The following FANCE variants were observed in gnomAD, a reference collection of about 807,000 sequenced individuals.
FANCE encodes the protein Fanconi anemia group E protein.
FANCE carries 42 observed loss-of-function variants against 57.8 expected under a neutral mutation model. That is an observed-to-expected ratio of 0.73 (90% CI 0.57 to 0.94). The LOEUF is 0.94. Ranked by LOEUF, FANCE falls within the 40% of genes least tolerant of loss-of-function variation. The pLI is 0.00. For missense variants in FANCE, 608 were observed against 661.8 expected, an observed-to-expected ratio of 0.92 and a Z score of 0.89; for synonymous variants, 251 against 286.4, an observed-to-expected ratio of 0.88 and a Z score of 1.25.
At chr6:35,461,738 C>T (rs1338433099) in intron 8 of FANCE, among the ~76,000 whole-genome samples, 5 of 151,256 alleles carry the variant, frequency 3.3e-5, no homozygotes, top group Non-Finnish European at 5.9e-5. Context: ...AGCTCTGCCT[C>T]CCGGGTTCAC....
chr6:35,457,805 T>G, intron 3 of FANCE, 111 bp from the exon 4 acceptor site: 1 of 1,094,332 alleles, frequency 9.1e-7, no homozygotes, highest in East Asian at 2.4e-5. Flanking sequence ...TCCTCTTCTC[T>G]GGTAGTGCCT....
Position 35,457,880 on chromosome 6 carries a change from G to C in FANCE, c.901-36G>C. 3 of 1,588,238 alleles carry C rather than the reference G, an allele frequency of 1.9e-6. 1 individual carries two copies. Among genetic ancestry groups the C allele is most frequent in the Non-Finnish European group, 8.6e-7 (1 of 1,156,480 alleles). On this transcript the variant is annotated intron_variant, in intron 3 of 9. Transcript: ENST00000229769. ...TGGCTTCAGTGACTTGTCACTGAGG[G>C]CTCTGCCAGCCCTAACATGAGATTT...
Position 35,456,046 on chromosome 6 carries a change from C to T in FANCE, c.548C>T (p.Ala183Val). Residue 183 changes from alanine to valine, a missense_variant, in exon 2 of 10, where the codon GCT becomes GTT. Transcript: ENST00000229769. This position sits in a 1 kb window ranked among gnomAD's most constrained non-coding sequence, Gnocchi z 4.3. ...GGCAGGAGGTTGAAATCCCCCCAGG[C>T]TCCAGACCCTGAAGAAGAGGAGAAC... is the stretch of plus-strand genomic sequence containing the variant. ...LGGRRLKSPQ[A>V]PDPEEEENRD... is the part of the protein sequence containing the mutation. 5.6e-6 allele frequency: 9 copies of T among 1,613,174 alleles called. No individual in the cohort carries two copies. The highest frequency in any genetic ancestry group is 7.6e-6 in the Non-Finnish European group (9 of 1,179,658).
At chr6:35,452,891 C>G in intron 1 of FANCE, 98 bp downstream of exon 1, 1 of 1,188,082 alleles carries the variant, frequency 8.4e-7, no homozygotes. Flanking sequence ...TCAGCGACGG[C>G]CTGCCGCGCA....
Position 35,458,235 on chromosome 6 carries a change from C to T in FANCE, c.970-62C>T, listed in dbSNP as rs1335340511. 3.1e-6 allele frequency: 5 copies of T among 1,600,314 alleles called. No individual in the cohort carries two copies. The Admixed American group carries it at 5.0e-5, about 16-fold the overall frequency. On this transcript the variant is annotated intron_variant, in intron 4 of 9. Transcript: ENST00000229769. ...CTGTCTGCTGTCCAGTTGCTTGAGACAGCCTAGCAGAGGCAGAGTGCATGT... is the reference window on the plus strand; with the variant it reads ...CTGTCTGCTGTCCAGTTGCTTGAGATAGCCTAGCAGAGGCAGAGTGCATGT...
In FANCE at chr6:35,466,928, G is replaced by C. The variant is rs1191691452; in HGVS notation, c.*583G>C. On this transcript the variant is annotated 3_prime_UTR_variant, in exon 10 of 10. Transcript: ENST00000229769. ...CTCAGGCTGCAGGGACAAACTTTCC[G>C]ATAGGGCTCAGTAGGATCAAGCCGA... The C allele has an allele frequency of 6.1e-5, 14 of 229,064 alleles. No individual in the cohort carries two copies. Among genetic ancestry groups the C allele is most frequent in the Non-Finnish European group, 1.0e-4 (12 of 115,222 alleles). 14.2% of individuals were successfully genotyped at this position (229,064 alleles called of 1,614,324 possible). A position where few individuals can be genotyped will look rare whatever the true frequency, so the allele number is the denominator to read the frequency against.
At chr6:35,459,545 ATTCAGTGAT>A in intron 6 of FANCE, 91 bp downstream of exon 6, 1 of 1,600,352 alleles carries the variant, frequency 6.2e-7, no homozygotes. Flanking sequence ...GGAGTTGGGT[ATTCAGTGAT>A]TAAAGATGCC....
rs143341220 is a variant in FANCE at position 35,466,021 on chromosome 6, G to T, written c.1510-223G>T. Among the ~76,000 whole-genome samples the T allele has an allele frequency of 1.1e-3, 161 of 152,332 alleles. 1 individual carries two copies. Among genetic ancestry groups the T allele is most frequent in the African/African-American group, 3.5e-3 (147 of 41,570 alleles). ...GCCACATAGTAAACACACAATGATT[G>T]TCAACTGTTACTAATGTGGCCGGCT... On this transcript the variant is annotated intron_variant, in intron 9 of 9. Transcript: ENST00000229769.
intron 1 of FANCE, among the ~76,000 whole-genome samples, chr6:35,453,685 A>C (rs1483936732): frequency 6.6e-6 from 1 of 152,212 alleles, no homozygotes; most frequent in Non-Finnish European, 1.5e-5. Context: ...TTAGATAAAT[A>C]GGGGAAAATG....
rs570137083 is a variant in FANCE at position 35,466,927 on chromosome 6, C to T, written c.*582C>T. The T allele has an allele frequency of 3.5e-5, 8 of 227,512 alleles. No individual in the cohort carries two copies. Among genetic ancestry groups the T allele is most frequent in the East Asian group, 2.0e-4 (3 of 14,958 alleles). The allele number at this position is 227,512 out of a possible 1,614,324, so 14.1% of individuals were successfully genotyped here. A position where few individuals can be genotyped will look rare whatever the true frequency, so the allele number is the denominator to read the frequency against. Reference sequence around the variant, plus strand: ...TCTCAGGCTGCAGGGACAAACTTTCCGATAGGGCTCAGTAGGATCAAGCCG... The same window carrying T: ...TCTCAGGCTGCAGGGACAAACTTTCTGATAGGGCTCAGTAGGATCAAGCCG... On this transcript the variant is annotated 3_prime_UTR_variant, in exon 10 of 10. Coordinates refer to ENST00000229769, the MANE Select transcript of FANCE (RefSeq NM_021922.3).
At chr6:35,465,494 C>T (rs1455748718) in intron 9 of FANCE, among the ~76,000 whole-genome samples, 3 of 152,150 alleles carry the variant, frequency 2.0e-5, no homozygotes, top group Non-Finnish European at 4.4e-5. Flanking sequence ...TTATTTTTAA[C>T]TTTATCTTGA....
At chr6:35,458,215 T>G in intron 4 of FANCE, 82 bp from the exon 5 acceptor site, 1 of 1,565,034 alleles carries the variant, frequency 6.4e-7, no homozygotes, top group Non-Finnish European at 8.8e-7. Flanking sequence ...CTGCTCTGTC[T>G]GCTGTCCAGT....
chr6:35,463,522 GAAATA>G, intron 9 of FANCE, among the ~76,000 whole-genome samples: 1 of 152,160 alleles, frequency 6.6e-6, no homozygotes, highest in East Asian at 1.9e-4. Flanking sequence ...TGAGAGGGGA[GAAATA>G]AAATAAACAG....
At chr6:35,459,501 T>A in intron 6 of FANCE, 47 bp downstream of exon 6, 1 of 1,613,244 alleles carries the variant, frequency 6.2e-7, no homozygotes, top group Non-Finnish European at 8.5e-7. Flanking sequence ...CCCTCAGTGT[T>A]CTCAGCATCC....
chr6:35,457,776 C>T, intron 3 of FANCE, 140 bp from the exon 4 acceptor site: 3 of 1,004,902 alleles, frequency 3.0e-6, no homozygotes, highest in South Asian at 2.6e-5. Flanking sequence ...GTAGACTTAC[C>T]ATCTAACCCC....
intron 4 of FANCE, 59 bp downstream of exon 4, chr6:35,458,043 A>G (rs374933720): frequency 9.2e-6 from 14 of 1,518,138 alleles, no homozygotes; most frequent in East Asian, 2.3e-5. Context: ...ATCTTTTTCT[A>G]TTTAAGTTTA....
chr6:35,465,309 G>T (rs45440096), intron 9 of FANCE, among the ~76,000 whole-genome samples: 13,622 of 152,082 alleles, frequency 0.09, 1,362 homozygotes, highest in African/African-American at 0.24. Flanking sequence ...AAGTAGCTGG[G>T]AATACAGGTG....
chr6:35,463,396 A>T (rs1767669821), intron 9 of FANCE, among the ~76,000 whole-genome samples: 1 of 152,210 alleles, frequency 6.6e-6, no homozygotes, highest in African/African-American at 2.4e-5. Context: ...TTAGGAGTTC[A>T]TTCATCCAGC....
intron 7 of FANCE, among the ~76,000 whole-genome samples, chr6:35,460,004 G>A (rs1767520516): frequency 6.6e-6 from 1 of 151,858 alleles, no homozygotes; most frequent in Non-Finnish European, 1.5e-5. Context: ...TTTGTTGTCA[G>A]CTCCTGGGGC....
Sources: gnomAD v4.1 joint callset for allele counts (sites outside exome capture counted in the v4.1 genomes callset) on GRCh38, gnomAD v4.1.1 for gene constraint, Gnocchi (gnomAD v3.1) non-coding constraint, MANE v1.5 for transcripts, NCBI Gene and HGNC (gene_info 2026-07-23, HGNC 2026-07-21) for gene names.